Variants in STAM observed in about 807,000 individuals in gnomAD.
STAM encodes the protein signal transducing adaptor molecule, also known as signal transducing adapter molecule 1.
Under a neutral mutation model 63.4 loss-of-function variants are expected in STAM, and 16 were observed. That is an observed-to-expected ratio of 0.25 (90% CI 0.17 to 0.38). STAM has a LOEUF of 0.38. Among genes scored for constraint, STAM ranks in the 10% least tolerant of loss-of-function variants. The pLI, the probability that STAM is intolerant of heterozygous loss-of-function variation, is 1.00. For synonymous variants in STAM, 238 were observed against 223.9 expected (o/e 1.06, Z -0.56); for missense variants, 636 against 657.1 (o/e 0.97, Z 0.35).
rs1835366249 is a variant in STAM, at chr10:17,688,034, CTAAAGTA to C, written c.307_313del (p.Lys103ValfsTer4). On this transcript the variant is annotated frameshift_variant, in exon 5 of 14. Coordinates refer to ENST00000377524, the MANE Select transcript of STAM (RefSeq NM_003473.4). LOFTEE classifies it high-confidence loss of function. ...TCTTTTTCTATTTTACAGGGTCATCCTAAAGTATGTGAAAAATTAAAGGCTCTTATGG... is the reference window on the plus strand; with the variant it reads ...TCTTTTTCTATTTTACAGGGTCATCCTGTGAAAAATTAAAGGCTCTTATGG... 6.3e-7 allele frequency: 1 copy of C among 1,589,836 alleles called. No homozygotes were observed. The highest frequency in any genetic ancestry group is 8.5e-7 in the Non-Finnish European group (1 of 1,170,378).
At chr10:17,704,302 C>T in intron 9 of STAM, 129 bp from the exon 10 acceptor site, 1 of 698,862 alleles carries the variant, frequency 1.4e-6, no homozygotes, top group South Asian at 1.8e-5. Context: ...GGGACACTGA[C>T]AACATAAAAG....
chr10:17,713,566 C>T (rs1836658839), intron 13 of STAM, among the ~76,000 whole-genome samples: 1 of 152,032 alleles, frequency 6.6e-6, no homozygotes, highest in Non-Finnish European at 1.5e-5. Flanking sequence ...CAGTGAATGG[C>T]CACTCTACCA....
intron 2 of STAM, among the ~76,000 whole-genome samples, chr10:17,671,606 G>A (rs368394556): frequency 9.2e-5 from 14 of 152,206 alleles, no homozygotes; most frequent in Admixed American, 8.5e-4. Context: ...TGTTACTGAT[G>A]TAGTAACTAG....
At chr10:17,675,368 G>C (rs1554824535) in intron 2 of STAM, among the ~76,000 whole-genome samples, 1 of 152,074 alleles carries the variant, frequency 6.6e-6, no homozygotes, top group South Asian at 2.1e-4. Context: ...GCTGAGTATG[G>C]TAGTGCCTGC....
chr10:17,693,596 G>A (rs1437406198), intron 6 of STAM, among the ~76,000 whole-genome samples: 1 of 152,132 alleles, frequency 6.6e-6, no homozygotes, highest in Non-Finnish European at 1.5e-5. Flanking sequence ...CACGGGAAAT[G>A]CCATTTGCCA....
At chr10:17,647,862 C>G (rs911943548) in intron 1 of STAM, among the ~76,000 whole-genome samples, 2 of 152,138 alleles carry the variant, frequency 1.3e-5, no homozygotes, top group Non-Finnish European at 2.9e-5. Flanking sequence ...TACTCTCAGC[C>G]TCTTGCCTGA....
Position 17,708,707 on chromosome 10 carries a change from C to T in STAM, c.1210-69C>T, listed in dbSNP as rs1440444686. 4.1e-6 allele frequency: 6 copies of T among 1,449,068 alleles called. No individual in the cohort carries two copies. The African/African-American group carries it at 7.0e-5, about 17-fold the overall frequency. 89.8% of individuals were successfully genotyped at this position (1,449,068 alleles called of 1,614,324 possible). A position where few individuals can be genotyped will look rare whatever the true frequency, so the allele number is the denominator to read the frequency against. On this transcript the variant is annotated intron_variant, in intron 12 of 13. Transcript: ENST00000377524. ...TTCTTGTTTTTGTAACTGAATACCT[C>T]TACAGAGAAAGTTCAGTATGCTTAT...
At chr10:17,650,937 C>T (rs1281185551) in intron 1 of STAM, among the ~76,000 whole-genome samples, 1 of 151,002 alleles carries the variant, frequency 6.6e-6, no homozygotes, top group Admixed American at 6.6e-5. Context: ...TAGTGGCGGG[C>T]GCCTGTAGTC....
intron 7 of STAM, chr10:17,696,032 TTATAA>T (rs1227122081): frequency 3.9e-5 from 6 of 152,198 alleles, no homozygotes; most frequent in African/African-American, 1.4e-4. Context: ...GGGGTCTCTT[TTATAA>T]GGTCGCTAAT....
chr10:17,661,360 CA>C (rs1834158783), intron 2 of STAM, among the ~76,000 whole-genome samples: 1 of 152,184 alleles, frequency 6.6e-6, no homozygotes, highest in Admixed American at 6.5e-5. Flanking sequence ...AAGCCTTTGC[CA>C]GTGTCTTCTT....
chr10:17,705,493 C>T, intron 11 of STAM, 95 bp from the exon 12 acceptor site: 2 of 1,405,762 alleles, frequency 1.4e-6, no homozygotes, highest in Non-Finnish European at 1.9e-6. Context: ...ACTAGTACTA[C>T]TTTTTGCCAT....
At chr10:17,672,829 C>A in intron 2 of STAM, 1 of 157,158 alleles carries the variant, frequency 6.4e-6, no homozygotes, top group Non-Finnish European at 1.4e-5. Context: ...TGACATCTTA[C>A]AGCAGTGTGA....
At chr10:17,666,416 A>G (rs1554823388) in intron 2 of STAM, among the ~76,000 whole-genome samples, 2 of 100,240 alleles carry the variant, frequency 2.0e-5, no homozygotes, top group East Asian at 6.3e-4. Context: ...TTTTTTTGAG[A>G]CAGAGTCTTG....
In STAM at chr10:17,715,512, A is replaced by G. The variant is rs528143754; in HGVS notation, c.*732A>G. ...ATTTTTGGTGCAATTATAGCAAATG[A>G]TAATGTTCCCTTTTGAACTTTTACA... On this transcript the variant is annotated 3_prime_UTR_variant, in exon 14 of 14. Transcript: ENST00000377524. 4 of 152,696 alleles carry G rather than the reference A, an allele frequency of 2.6e-5. No homozygotes were observed. The highest frequency in any genetic ancestry group is 2.1e-4 in the South Asian group (1 of 4,830). The allele number at this position is 152,696 out of a possible 1,614,324, so 9.5% of individuals were successfully genotyped here.
chr10:17,707,507 G>A (rs1240978667), intron 12 of STAM, among the ~76,000 whole-genome samples: 2 of 152,062 alleles, frequency 1.3e-5, no homozygotes, highest in Admixed American at 6.6e-5. Flanking sequence ...TCAGATTAAC[G>A]TTTAGCAGAA....
intron 1 of STAM, among the ~76,000 whole-genome samples, chr10:17,652,808 C>T (rs2131563693): frequency 6.6e-6 from 1 of 152,268 alleles, no homozygotes; most frequent in Admixed American, 6.5e-5. Flanking sequence ...TATTCTTGGG[C>T]TTTAGAGGGG....
At chr10:17,657,941 G>A (rs1446293434) in intron 1 of STAM, among the ~76,000 whole-genome samples, 1 of 150,346 alleles carries the variant, frequency 6.7e-6, no homozygotes, top group Non-Finnish European at 1.5e-5. Flanking sequence ...CTGATTTTCT[G>A]TATTGGTCTT....
chr10:17,693,049 C>A (rs1835608491), intron 5 of STAM, among the ~76,000 whole-genome samples, 173 bp from the exon 6 acceptor site: 1 of 152,112 alleles, frequency 6.6e-6, no homozygotes, highest in African/African-American at 2.4e-5. Flanking sequence ...CTGTGTTCTC[C>A]AATTCTGATT....
At chr10:17,709,993 G>A (rs1161250777) in intron 13 of STAM, among the ~76,000 whole-genome samples, 1 of 128,558 alleles carries the variant, frequency 7.8e-6, no homozygotes, top group Non-Finnish European at 1.6e-5. Context: ...GAAATCTGGT[G>A]GAAATGAATA....
Sources: gnomAD v4.1 joint callset for allele counts (sites outside exome capture counted in the v4.1 genomes callset) on GRCh38, gnomAD v4.1.1 for gene constraint, MANE v1.5 for transcripts, NCBI Gene and HGNC (gene_info 2026-07-23, HGNC 2026-07-21) for gene names.